DIS3: variants seen among roughly 807,000 people sequenced by gnomAD.
DIS3 encodes DIS3 exosome endoribonuclease and 3'-5' exoribonuclease.
DIS3 carries 103 observed loss-of-function variants against 113.0 expected under a neutral mutation model. The ratio of observed to expected loss-of-function variants is 0.91; its 90% CI spans 0.78 to 1.07. The LOEUF (loss-of-function observed/expected upper bound fraction) is 1.07, where lower values mean the gene tolerates loss of function less well. Ranked by LOEUF, DIS3 falls within the 50% of genes least tolerant of loss-of-function variation. DIS3 has a pLI of 0.00. For synonymous variants in DIS3, 402 were observed against 394.3 expected, an observed-to-expected ratio of 1.02 and a Z score of -0.23; for missense variants, 1,121 against 1,167.1, an observed-to-expected ratio of 0.96 and a Z score of 0.58.
Position 72,771,095 on chromosome 13 carries a change from T to C in DIS3, c.1656A>G (p.Lys552=), listed in dbSNP as rs2033875866. ...ELLSSNLCSL[K]CDVDRLAFSC... ...TGCAGAAATACCTGTCCACGTCACA[T>C]TTTAAGGAACACAAGTTAGAGCTAA... Residue 552 remains lysine (K), a synonymous_variant, in exon 12 of 21, where the codon AAA becomes AAG. Coordinates refer to ENST00000377767, the MANE Select transcript of DIS3 (RefSeq NM_014953.5). The C allele has an allele frequency of 4.3e-6, 7 of 1,613,524 alleles. No homozygotes were observed. Among genetic ancestry groups the C allele is most frequent in the Middle Eastern group, 1.6e-4 (1 of 6,080 alleles).
In DIS3 at chr13:72,763,545, A is replaced by AT; in HGVS notation, c.2032dup (p.Ile678AsnfsTer3). The stretch of plus-strand genomic sequence containing the variant: ...AGCATGTTCAGAAAATTCCTCATGA[A>AT]TTTTTTTTGCAACAGAAATATTGGC... On this transcript the variant is annotated frameshift_variant, in exon 16 of 21. Coordinates refer to ENST00000377767, the MANE Select transcript of DIS3 (RefSeq NM_014953.5). LOFTEE classifies it high-confidence loss of function. 1 of 1,612,978 alleles carries AT rather than the reference A, an allele frequency of 6.2e-7. No individual in the cohort carries two copies. Among genetic ancestry groups the AT allele is most frequent in the Non-Finnish European group, 8.5e-7 (1 of 1,179,582 alleles).
chr13:72,773,832 T>C lies in DIS3; in HGVS notation c.1102-11A>G. On this transcript the variant is annotated splice_polypyrimidine_tract_variant and intron_variant, in intron 7 of 20. Transcript: ENST00000377767. ...GAGATGTCTTCTTGACTAGCAAAAA[T>C]TAGGAATAAAGATTTTACACAAAAA... The C allele has an allele frequency of 6.2e-7, 1 of 1,601,810 alleles. No homozygotes were observed. Among genetic ancestry groups the C allele is most frequent in the Non-Finnish European group, 8.5e-7 (1 of 1,177,086 alleles).
intron 13 of DIS3, 80 bp downstream of exon 13, chr13:72,770,824 T>A: frequency 2.1e-6 from 2 of 945,380 alleles, no homozygotes; most frequent in Non-Finnish European, 3.1e-6. Flanking sequence ...TACATGTGAA[T>A]CTTTAAAAAA....
At chr13:72,778,687 A>G (rs1044209788) in intron 2 of DIS3, among the ~76,000 whole-genome samples, 1 of 152,188 alleles carries the variant, frequency 6.6e-6, no homozygotes, top group Non-Finnish European at 1.5e-5. Flanking sequence ...GAGACACTAA[A>G]TAATAGTTTG....
In DIS3 at chr13:72,762,065, G is replaced by C; in HGVS notation, c.2200C>G (p.Pro734Ala). The stretch of plus-strand genomic sequence containing the variant: ...ATTCTCAACAGAGTGTTTAGATATG[G>C]AAAAGTAGGAGATTCGGCCTGATCC... ...SLDQAESPTF[P>A]YLNTLLRILA... The change falls in exon 17 of 21, where the codon CCA (proline) becomes GCA (alanine). Residue 734 changes from proline to alanine, a missense_variant. By Grantham distance (27) the Pro-to-Ala change is conservative. This residue lies in a region of DIS3 where 861 missense variants were observed against 915.5 expected (regional missense o/e 0.94). Coordinates refer to ENST00000377767, the MANE Select transcript of DIS3 (RefSeq NM_014953.5). 6.2e-7 allele frequency: 1 copy of C among 1,614,102 alleles called. No individual in the cohort carries two copies. Among genetic ancestry groups the C allele is most frequent in the Non-Finnish European group, 8.5e-7 (1 of 1,180,030 alleles).
intron 2 of DIS3, among the ~76,000 whole-genome samples, chr13:72,779,032 C>G (rs1467409840): frequency 1.3e-5 from 2 of 151,882 alleles, no homozygotes; most frequent in African/African-American, 4.8e-5. Context: ...GCTTCCAGTA[C>G]TTAATGGTAA....
Position 72,754,932 on chromosome 13 carries a change from C to T in DIS3, c.*4863G>A. ...TCTCACTATGTTGCCAGGGCTAGTC[C>T]CAAACTCCTGGGCTCGTGCGATCCT... On this transcript the variant is annotated 3_prime_UTR_variant, in exon 21 of 21. Transcript: ENST00000377767. The T allele has an allele frequency of 2.2e-6, 1 of 452,960 alleles. No individual in the cohort carries two copies. The highest frequency in any genetic ancestry group is 4.0e-6 in the Non-Finnish European group (1 of 252,182). 28.1% of individuals were successfully genotyped at this position (452,960 alleles called of 1,614,324 possible). A position where few individuals can be genotyped will look rare whatever the true frequency, so the allele number is the denominator to read the frequency against.
In DIS3 at chr13:72,759,883, A is replaced by G; in HGVS notation, c.2794-5T>C. 6.2e-7 allele frequency: 1 copy of G among 1,607,984 alleles called. No individual in the cohort carries two copies. The highest frequency in any genetic ancestry group is 8.5e-7 in the Non-Finnish European group (1 of 1,175,138). On this transcript the variant is annotated splice_polypyrimidine_tract_variant and splice_region_variant and intron_variant, in intron 20 of 20. Transcript: ENST00000377767. ...AGGAATGCTTATTCCTGGTATCTAAAGTAATGCAAATGGGGGGAAATAAGG... is the reference window on the plus strand; with the variant it reads ...AGGAATGCTTATTCCTGGTATCTAAGGTAATGCAAATGGGGGGAAATAAGG...
At chr13:72,775,899 T>C (rs2034004422) in intron 5 of DIS3, 26 bp downstream of exon 5, 2 of 1,549,362 alleles carry the variant, frequency 1.3e-6, no homozygotes, top group Non-Finnish European at 1.8e-6. Context: ...TATTTTAGTG[T>C]ATAAGGAATT....
At chr13:72,778,425 A>G (rs2034073517) in intron 2 of DIS3, 45 bp from the exon 3 acceptor site, 1 of 1,491,076 alleles carries the variant, frequency 6.7e-7, no homozygotes, top group South Asian at 1.3e-5. Flanking sequence ...CAGTAGAAAC[A>G]AGGATATGTG....
In DIS3 at chr13:72,781,447, C is replaced by A. The variant is rs548681862; in HGVS notation, c.228+158G>T. 4.7e-6 allele frequency: 7 copies of A among 1,480,276 alleles called. No individual in the cohort carries two copies. In the South Asian group the frequency reaches 9.2e-5, roughly 19 times the overall value. The allele number at this position is 1,480,276 out of a possible 1,614,324, so 91.7% of individuals were successfully genotyped here. The stretch of plus-strand genomic sequence containing the variant: ...ATTTTTTAAAGCACAAGGAAAAGAA[C>A]CTCGGCCTGGGGAACAGGAAGCTTC... On this transcript the variant is annotated intron_variant, in intron 1 of 20. Transcript: ENST00000377767.
chr13:72,762,362 G>C (rs1186376753), intron 16 of DIS3, among the ~76,000 whole-genome samples: 1 of 152,140 alleles, frequency 6.6e-6, no homozygotes, highest in African/African-American at 2.4e-5. Flanking sequence ...CTACCCTAGG[G>C]AGATGAGTCA....
At chr13:72,771,974 G>A in intron 10 of DIS3, 78 bp from the exon 11 acceptor site, 1 of 1,489,314 alleles carries the variant, frequency 6.7e-7, no homozygotes. Context: ...ATAAGATAAA[G>A]TTTAGCTAAA....
In DIS3 at chr13:72,771,129, G is replaced by A; in HGVS notation, c.1622C>T (p.Pro541Leu). 1.2e-6 allele frequency: 2 copies of A among 1,613,526 alleles called. No homozygotes were observed. The highest frequency in any genetic ancestry group is 1.7e-6 in the Non-Finnish European group (2 of 1,179,656). ...ACACAAGTTAGAGCTAAGCAACTCTGGAACCATGTCAATCCTCTGCAAAAG... is the reference window on the plus strand; with the variant it reads ...ACACAAGTTAGAGCTAAGCAACTCTAGAACCATGTCAATCCTCTGCAAAAG... ...YLCEKRIDMV[P>L]ELLSSNLCSL... is the part of the protein sequence containing the mutation. The change falls in exon 12 of 21, where the codon CCA becomes CTA. Residue 541 changes from proline to leucine, a missense_variant. Around this residue, in one of 3 missense-constraint regions of DIS3, gnomAD observed 861 missense variants for 915.5 expected, o/e 0.94. Coordinates refer to ENST00000377767, the MANE Select transcript of DIS3 (RefSeq NM_014953.5).
At position 72,773,823 on chromosome 13, in the gene DIS3, T is replaced by C; in HGVS notation, c.1102-2A>G. On this transcript the variant is annotated splice_acceptor_variant, in intron 7 of 20. Transcript: ENST00000377767. LOFTEE classifies it high-confidence loss of function. ...AGGTGTAAAGAGATGTCTTCTTGAC[T>C]AGCAAAAATTAGGAATAAAGATTTT... is the stretch of plus-strand genomic sequence containing the variant. The C allele has an allele frequency of 6.2e-7, 1 of 1,602,354 alleles. No homozygotes were observed. The highest frequency in any genetic ancestry group is 8.5e-7 in the Non-Finnish European group (1 of 1,177,224).
intron 11 of DIS3, 95 bp downstream of exon 11, chr13:72,771,700 C>A: frequency 8.2e-7 from 1 of 1,212,234 alleles, no homozygotes; most frequent in Non-Finnish European, 1.2e-6. Context: ...GATTTAAAGC[C>A]ACATTATTCC....
At position 72,755,179 on chromosome 13, in the gene DIS3, T is replaced by C; in HGVS notation, c.*4616A>G. 2 of 1,613,842 alleles carry C rather than the reference T, an allele frequency of 1.2e-6. No individual in the cohort carries two copies. The highest frequency in any genetic ancestry group is 1.7e-6 in the Non-Finnish European group (2 of 1,179,870). ...GACCACACAACACAGAGGTGTTGGA[T>C]GAAAACAGCAAGCCCTTTTCAATGC... On this transcript the variant is annotated 3_prime_UTR_variant, in exon 21 of 21. Transcript: ENST00000377767.
At chr13:72,776,477 T>C (rs1213024463) in intron 4 of DIS3, among the ~76,000 whole-genome samples, 2 of 152,184 alleles carry the variant, frequency 1.3e-5, no homozygotes. Context: ...ATCTTCTCAT[T>C]TCCTTTTGGT....
intron 20 of DIS3, 55 bp downstream of exon 20, chr13:72,760,474 C>T: frequency 6.2e-7 from 1 of 1,607,618 alleles, no homozygotes; most frequent in Admixed American, 1.7e-5. Flanking sequence ...CCTTCTTTGA[C>T]AAAATATGTA....
Sources: allele counts gnomAD v4.1 joint callset (sites outside exome capture counted in the v4.1 genomes callset), GRCh38; gene constraint gnomAD v4.1.1; regional missense constraint gnomAD v4.1.1; transcripts MANE v1.5; gene names NCBI Gene and HGNC (gene_info 2026-07-23, HGNC 2026-07-21).